Variants in ADGRE3 observed in about 807,000 individuals in gnomAD.
ADGRE3 encodes EGF-like module receptor 3.
In ADGRE3, 88 loss-of-function variants were observed where a neutral mutation model predicts 80.1. That is an observed-to-expected ratio of 1.10 (90% confidence interval 0.93 to 1.31). The LOEUF (loss-of-function observed/expected upper bound fraction) is 1.31, where lower values mean the gene tolerates loss of function less well. Among genes scored for constraint, ADGRE3 ranks in the 40% most tolerant of loss-of-function variants. ADGRE3 has a pLI of 0.00. For synonymous variants in ADGRE3, 281 were observed against 294.8 expected (o/e 0.95, Z 0.48); for missense variants, 715 against 776.5 (o/e 0.92, Z 0.94).
intron 15 of ADGRE3, among the ~76,000 whole-genome samples, chr19:14,620,525 AAT>A (rs1196749565): frequency 1.0e-4 from 3 of 29,426 alleles, no homozygotes; most frequent in Admixed American, 5.7e-4. Flanking sequence ...ACTATATATG[AAT>A]ATATATATTT....
At chr19:14,650,938 T>C (rs1439011729) in intron 7 of ADGRE3, 147 bp downstream of exon 7, 4 of 932,794 alleles carry the variant, frequency 4.3e-6, no homozygotes, top group Non-Finnish European at 6.2e-6. Flanking sequence ...AAAATGTCTT[T>C]TTTTTTTTTT....
Position 14,641,546 on chromosome 19 carries a change from G to T in ADGRE3, c.1121C>A (p.Ala374Glu), listed in dbSNP as rs146538980. Residue 374 changes from alanine to glutamate, a missense_variant, in exon 10 of 16, where the codon GCG becomes GAG. Transcript: ENST00000253673. Reference protein sequence around the residue: ...LSVSLLCLLLAALTFLLCKAI... With the variant: ...LSVSLLCLLLEALTFLLCKAI... ...TTTACACAGGAGAAAAGTGAGGGCC[G>T]CCAGGAGGAGGCACAGCAGAGAGAC... 5.6e-6 allele frequency: 9 copies of T among 1,613,932 alleles called. No individual in the cohort carries two copies. Among genetic ancestry groups the T allele is most frequent in the Non-Finnish European group, 7.6e-6 (9 of 1,179,958 alleles).
At chr19:14,633,389 T>C in intron 11 of ADGRE3, 87 bp from the exon 12 acceptor site, 2 of 1,016,166 alleles carry the variant, frequency 2.0e-6, no homozygotes, top group Non-Finnish European at 2.9e-6. Context: ...TACCAGAGAA[T>C]TGTTTCCAGT....
the ADGRE3 span, among the ~76,000 whole-genome samples, chr19:14,603,436 A>G: frequency 2.6e-5 from 4 of 152,140 alleles, no homozygotes; most frequent in Non-Finnish European, 4.4e-5. Context: ...TAAGGATCCA[A>G]TGAGACAATC....
At position 14,651,194 on chromosome 19, in the gene ADGRE3, A is replaced by G. The variant is rs1971599173; in HGVS notation, c.588T>C (p.Thr196=). 2 of 1,614,058 alleles carry G rather than the reference A, an allele frequency of 1.2e-6. No homozygotes were observed. The highest frequency in any genetic ancestry group is 2.7e-5 in the African/African-American group (2 of 75,046). Residue 196 remains threonine, a synonymous_variant, in exon 7 of 16, where the codon ACT becomes ACC. Coordinates refer to ENST00000253673, the MANE Select transcript of ADGRE3 (RefSeq NM_032571.5). ...CAGAGCAATTGTCTGTAATCGCTTG[A>G]GTTTCAATAGCTGGTAAGAAAAGCA... ...KIQNDSVAIE[T]QAITDNCSEE... is the part of the protein sequence containing the mutation.
chr19:14,609,027 T>C, the ADGRE3 span, among the ~76,000 whole-genome samples: 7 of 152,082 alleles, frequency 4.6e-5, no homozygotes, highest in Non-Finnish European at 7.4e-5. Context: ...CTCGAAATCC[T>C]GACCTCAGGT....
chr19:14,631,171 C>G (rs555841678), intron 13 of ADGRE3, among the ~76,000 whole-genome samples: 1 of 151,918 alleles, frequency 6.6e-6, no homozygotes, highest in Non-Finnish European at 1.5e-5. Context: ...CCCACCCGGC[C>G]GGGGTCATAT....
intron 15 of ADGRE3, among the ~76,000 whole-genome samples, chr19:14,620,525 AATATATATATTTTATATATATATTATAT>A (rs1368784998): frequency 6.8e-5 from 2 of 29,436 alleles, no homozygotes; most frequent in Non-Finnish European, 1.2e-4. Flanking sequence ...ACTATATATG[AATATATATATTTTATATATATATTATAT>A]ATATATATAT....
In ADGRE3 at chr19:14,637,366, C is replaced by T. The variant is rs116463405; in HGVS notation, c.1484+739G>A. On this transcript the variant is annotated intron_variant, in intron 11 of 15. Transcript: ENST00000253673. ...ATTTGAGAGTCTTCTCTCATCTTCT[C>T]GCTTGGCGCCCTGAGATTTTTAAGC... is the stretch of plus-strand genomic sequence containing the variant. Among the ~76,000 whole-genome samples, 667 of 151,118 alleles carry T rather than the reference C, an allele frequency of 4.4e-3. 3 individuals are homozygous for T. The highest frequency in any genetic ancestry group is 0.016 in the African/African-American group (650 of 41,202).
intron 15 of ADGRE3, among the ~76,000 whole-genome samples, chr19:14,621,436 T>C (rs952301626): frequency 1.3e-5 from 2 of 151,068 alleles, no homozygotes; most frequent in South Asian, 2.1e-4. Context: ...GCCTGGGTGA[T>C]AGAGTGAGAC....
intron 5 of ADGRE3, among the ~76,000 whole-genome samples, 186 bp from the exon 6 acceptor site, chr19:14,655,351 G>A (rs1391490623): frequency 6.6e-6 from 1 of 152,134 alleles, no homozygotes; most frequent in African/African-American, 2.4e-5. Flanking sequence ...TGTGCCCCAC[G>A]ACAGGAAAAG....
the ADGRE3 span, among the ~76,000 whole-genome samples, chr19:14,608,628 ATTTTTTT>A: frequency 3.1e-4 from 37 of 119,726 alleles, no homozygotes; most frequent in South Asian, 1.1e-3. Flanking sequence ...ATGAGGAAGA[ATTTTTTT>A]TTTTTTTTTT....
chr19:14,625,376 G>T, intron 15 of ADGRE3, 116 bp downstream of exon 15: 1 of 724,430 alleles, frequency 1.4e-6, no homozygotes, highest in Admixed American at 2.4e-5. Flanking sequence ...TGTAACCTCA[G>T]AACTTAAAAA....
chr19:14,660,944 T>TTA (rs1383557295), intron 4 of ADGRE3, among the ~76,000 whole-genome samples: 2 of 140,318 alleles, frequency 1.4e-5, no homozygotes, highest in Non-Finnish European at 3.1e-5. Context: ...TTCCTTTTTT[T>TTA]TTTTTTTTTT....
chr19:14,646,546 CT>C (rs199907123), intron 8 of ADGRE3, among the ~76,000 whole-genome samples: 4,346 of 120,636 alleles, frequency 0.036, 104 homozygotes, highest in African/African-American at 0.098. Context: ...CTAGCTAATT[CT>C]TTTTTTTTTT....
At chr19:14,629,911 A>T (rs1394384977) in intron 14 of ADGRE3, 128 bp downstream of exon 14, 1 of 507,442 alleles carries the variant, frequency 2.0e-6, no homozygotes, top group African/African-American at 1.9e-5. Flanking sequence ...GAGAAAATAG[A>T]GAGAGTGTTT....
intron 3 of ADGRE3, 107 bp from the exon 4 acceptor site, chr19:14,662,225 C>T (rs562662015): frequency 2.2e-5 from 24 of 1,103,818 alleles, no homozygotes; most frequent in East Asian, 2.0e-4. Context: ...CCTGGCTTTC[C>T]GAGACAAATC....
chr19:14,661,898 A>G (rs1273850928), intron 4 of ADGRE3, 65 bp downstream of exon 4: 1 of 1,561,384 alleles, frequency 6.4e-7, no homozygotes, highest in Non-Finnish European at 8.8e-7. Context: ...ACAAAACAAA[A>G]CAAAACAAAC....
chr19:14,607,728 C>T, the ADGRE3 span, among the ~76,000 whole-genome samples: 4 of 151,802 alleles, frequency 2.6e-5, no homozygotes, highest in South Asian at 2.1e-4. Flanking sequence ...AGACACCCGC[C>T]GTCGTGCCTG....
Sources: gnomAD v4.1 joint callset for allele counts (sites outside exome capture counted in the v4.1 genomes callset) on GRCh38, gnomAD v4.1.1 for gene constraint, MANE v1.5 for transcripts, NCBI Gene and HGNC (gene_info 2026-07-23, HGNC 2026-07-21) for gene names.